The following PGAP4 variants were observed in gnomAD, a reference collection of about 807,000 sequenced individuals.
PGAP4 encodes post-GPI attachment to proteins GalNAc transferase 4.
A neutral mutation model predicts 28.2 loss-of-function variants in PGAP4; 12 were observed. The observed-to-expected ratio is 0.42, with a 90% confidence interval of 0.27 to 0.69. The LOEUF (loss-of-function observed/expected upper bound fraction) is 0.69, where lower values mean the gene tolerates loss of function less well. Ranked by LOEUF, PGAP4 falls within the 30% of genes least tolerant of loss-of-function variation. The pLI is 0.22. For missense variants in PGAP4, 425 were observed against 513.5 expected (o/e 0.83, Z 1.67); for synonymous variants, 205 against 211.8 (o/e 0.97, Z 0.28).
chr9:101,522,117 C>A (rs1320371150), intron 2 of PGAP4, among the ~76,000 whole-genome samples: 5 of 152,022 alleles, frequency 3.3e-5, no homozygotes, highest in African/African-American at 1.2e-4. Flanking sequence ...TACTGGGGCT[C>A]ATTTTATGGT....
At chr9:101,503,580 G>A (rs796455304) in intron 2 of PGAP4, among the ~76,000 whole-genome samples, 17 of 152,012 alleles carry the variant, frequency 1.1e-4, no homozygotes, top group African/African-American at 3.9e-4. Flanking sequence ...ACCACAGGGA[G>A]CCATTTTTTT....
chr9:101,475,393 A>G lies in PGAP4; in HGVS notation c.*488T>C, dbSNP rs1284583608. Reference sequence around the variant, plus strand: ...ACATCAGGTCAAGGAAACAAATGGAATCTATCCACATGGTCCTGCCTCGTT... The same window carrying G: ...ACATCAGGTCAAGGAAACAAATGGAGTCTATCCACATGGTCCTGCCTCGTT... On this transcript the variant is annotated 3_prime_UTR_variant, in exon 2 of 2. Coordinates refer to ENST00000374848, the MANE Select transcript of PGAP4 (RefSeq NM_032342.3). 2 of 163,348 alleles carry G rather than the reference A, an allele frequency of 1.2e-5. No individual in the cohort carries two copies. Among genetic ancestry groups the G allele is most frequent in the African/African-American group, 4.8e-5 (2 of 41,564 alleles). The allele number at this position is 163,348 out of a possible 1,614,324, so 10.1% of individuals were successfully genotyped here. A position where few individuals can be genotyped will look rare whatever the true frequency, so the allele number is the denominator to read the frequency against.
At chr9:101,491,812 G>GTT (rs1826691766), upstream of PGAP4, among the ~76,000 whole-genome samples, 1 of 106,268 alleles carries the variant, frequency 9.4e-6, no homozygotes. Flanking sequence ...AATCTTAAAG[G>GTT]ATATATATAT....
chr9:101,526,177 G>T (rs1308238697), intron 2 of PGAP4, among the ~76,000 whole-genome samples: 2 of 152,168 alleles, frequency 1.3e-5, no homozygotes, highest in Non-Finnish European at 2.9e-5. Flanking sequence ...TAAATGTTAA[G>T]ATCACATTTC....
intron 2 of PGAP4, among the ~76,000 whole-genome samples, chr9:101,502,762 G>A (rs188543600): frequency 2.0e-5 from 3 of 152,152 alleles, no homozygotes; most frequent in Admixed American, 2.0e-4. Context: ...CAGGTCAGAG[G>A]CCAGAAGAAC....
At chr9:101,502,404 T>C (rs565751144) in intron 2 of PGAP4, among the ~76,000 whole-genome samples, 1 of 152,190 alleles carries the variant, frequency 6.6e-6, no homozygotes, top group African/African-American at 2.4e-5. Flanking sequence ...AATTTCTAAA[T>C]GCTTATGCAG....
chr9:101,488,640 C>A (rs573633692), upstream of PGAP4, among the ~76,000 whole-genome samples: 3 of 152,228 alleles, frequency 2.0e-5, no homozygotes, highest in South Asian at 4.1e-4. Flanking sequence ...CATTGAGTAC[C>A]TATTATGATG....
intron 1 of PGAP4, chr9:101,479,890 G>A (rs1826433307): frequency 6.6e-6 from 1 of 152,234 alleles, no homozygotes; most frequent in Admixed American, 6.5e-5. Flanking sequence ...ACGTTGCCTG[G>A]AAGCTGCACA....
At chr9:101,496,550 A>G (rs1002642005) in intron 2 of PGAP4, among the ~76,000 whole-genome samples, 1 of 151,608 alleles carries the variant, frequency 6.6e-6, no homozygotes, top group South Asian at 2.1e-4. Context: ...AATCTTTAGA[A>G]AGACTTTTAA....
chr9:101,530,049 T>C (rs1827074119), intron 2 of PGAP4, among the ~76,000 whole-genome samples: 1 of 152,238 alleles, frequency 6.6e-6, no homozygotes, highest in Non-Finnish European at 1.5e-5. Flanking sequence ...CCAGATTTCA[T>C]GGAATATTGG....
chr9:101,506,038 A>G (rs1826845336), intron 2 of PGAP4, among the ~76,000 whole-genome samples: 1 of 152,176 alleles, frequency 6.6e-6, no homozygotes, highest in Non-Finnish European at 1.5e-5. Flanking sequence ...ACCCTTAAAA[A>G]AGCAGTTTCC....
At position 101,486,001 on chromosome 9, in the gene PGAP4, G is replaced by T. The variant is rs1160924532; in HGVS notation, c.-78+948C>A. Reference sequence around the variant, plus strand: ...CACCCGCATGTGTTGCTAATGGTCCGCATGGTGAGATCATCATTGGAGCCG... The same window carrying T: ...CACCCGCATGTGTTGCTAATGGTCCTCATGGTGAGATCATCATTGGAGCCG... On this transcript the variant is annotated intron_variant, in intron 1 of 1. Transcript: ENST00000374848. This position sits in a 1 kb window ranked among gnomAD's most constrained non-coding sequence, Gnocchi z 4.7. Among the ~76,000 whole-genome samples the T allele has an allele frequency of 6.6e-6, 1 of 152,050 alleles. No homozygotes were observed. Among genetic ancestry groups the T allele is most frequent in the Non-Finnish European group, 1.5e-5 (1 of 68,012 alleles).
chr9:101,513,582 G>A (rs1048298126), intron 2 of PGAP4, among the ~76,000 whole-genome samples: 1 of 152,156 alleles, frequency 6.6e-6, no homozygotes, highest in South Asian at 2.1e-4. Flanking sequence ...GGATTGTAAT[G>A]CACATGCCTC....
chr9:101,502,762 G>T (rs188543600), intron 2 of PGAP4, among the ~76,000 whole-genome samples: 1 of 152,034 alleles, frequency 6.6e-6, no homozygotes, highest in Admixed American at 6.6e-5. Context: ...CAGGTCAGAG[G>T]CCAGAAGAAC....
chr9:101,478,050 C>T (rs1295468022), intron 1 of PGAP4, among the ~76,000 whole-genome samples: 2 of 152,202 alleles, frequency 1.3e-5, no homozygotes, highest in Admixed American at 6.5e-5. Flanking sequence ...TGAATCCTAG[C>T]TCTGCCTCTC....
exon 1 of PGAP4, chr9:101,533,097 A>G (rs969588821): frequency 6.7e-6 from 1 of 150,334 alleles, no homozygotes; most frequent in African/African-American, 2.5e-5. Context: ...CATAAACTTA[A>G]AAAAAAAAAT....
At chr9:101,495,136 A>G (rs1453345353) in intron 2 of PGAP4, among the ~76,000 whole-genome samples, 5 of 120,572 alleles carry the variant, frequency 4.1e-5, no homozygotes, top group African/African-American at 1.2e-4. Flanking sequence ...TACTATTTCT[A>G]TAAGATTTTA....
intron 2 of PGAP4, among the ~76,000 whole-genome samples, chr9:101,502,546 T>A (rs1158961824): frequency 6.6e-6 from 1 of 151,976 alleles, no homozygotes; most frequent in Non-Finnish European, 1.5e-5. Context: ...AAACAAAATG[T>A]CACCCCACCA....
chr9:101,532,209 G>C (rs1369303695), intron 1 of PGAP4, among the ~76,000 whole-genome samples: 1 of 151,812 alleles, frequency 6.6e-6, no homozygotes, highest in African/African-American at 2.4e-5. Context: ...GGTGGAGTTT[G>C]CAGTGAGCCG....
Sources: allele counts gnomAD v4.1 joint callset (sites outside exome capture counted in the v4.1 genomes callset), GRCh38; gene constraint gnomAD v4.1.1; non-coding constraint Gnocchi (gnomAD v3.1); transcripts MANE v1.5; gene names NCBI Gene and HGNC (gene_info 2026-07-23, HGNC 2026-07-21).